ADCY8: variants seen among roughly 807,000 people sequenced by gnomAD.
ADCY8 encodes adenylate cyclase type 8.
ADCY8 carries 51 observed loss-of-function variants against 119.7 expected under a neutral mutation model. The ratio of observed to expected loss-of-function variants is 0.43; its 90% confidence interval spans 0.34 to 0.54. The LOEUF is 0.54. ADCY8 is among the 20% of genes least tolerant of loss of function. The pLI, the probability that ADCY8 is intolerant of heterozygous loss-of-function variation, is 0.03. For synonymous variants in ADCY8, 665 were observed against 651.0 expected (o/e 1.02, Z -0.33); for missense variants, 1,383 against 1,598.8 (o/e 0.87, Z 2.30).
At chr8:130,840,601 C>A (rs1351139182) in intron 11 of ADCY8, among the ~76,000 whole-genome samples, 2 of 152,096 alleles carry the variant, frequency 1.3e-5, no homozygotes, top group African/African-American at 4.8e-5. Flanking sequence ...TACAAGAATG[C>A]AAAATATGTC....
At chr8:130,832,282 G>A (rs1816857494) in intron 12 of ADCY8, among the ~76,000 whole-genome samples, 1 of 152,152 alleles carries the variant, frequency 6.6e-6, no homozygotes, top group Non-Finnish European at 1.5e-5. Flanking sequence ...AGTTTGACGA[G>A]CAGATTGGGA....
intron 12 of ADCY8, among the ~76,000 whole-genome samples, chr8:130,826,742 G>A (rs890961197): frequency 4.8e-5 from 7 of 144,412 alleles, no homozygotes; most frequent in Non-Finnish European, 9.2e-5. Context: ...GGAAACAGCA[G>A]TGTCATGAAT....
At chr8:131,003,269 A>G (rs1050504988) in intron 1 of ADCY8, among the ~76,000 whole-genome samples, 44 of 152,048 alleles carry the variant, frequency 2.9e-4, no homozygotes, top group South Asian at 6.2e-4. Context: ...AAAATGTTAA[A>G]GGCTAAAAGT....
intron 8 of ADCY8, among the ~76,000 whole-genome samples, chr8:130,878,639 G>A (rs1818652768): frequency 6.6e-6 from 1 of 152,158 alleles, no homozygotes; most frequent in African/African-American, 2.4e-5. Flanking sequence ...TGCAAAATCA[G>A]AATCTTGGGG....
chr8:130,889,573 C>T (rs1409211209), intron 7 of ADCY8, among the ~76,000 whole-genome samples: 1 of 152,038 alleles, frequency 6.6e-6, no homozygotes, highest in Non-Finnish European at 1.5e-5. Flanking sequence ...AGACCTGTTT[C>T]CGATTTCTGA....
intron 2 of ADCY8, among the ~76,000 whole-genome samples, chr8:130,966,703 C>T (rs1287109102): frequency 6.6e-6 from 1 of 152,194 alleles, no homozygotes; most frequent in Non-Finnish European, 1.5e-5. Flanking sequence ...CCTACCTCTG[C>T]CCCTCTCCAG....
intron 7 of ADCY8, among the ~76,000 whole-genome samples, chr8:130,894,891 A>G (rs1266922939): frequency 6.6e-6 from 1 of 152,078 alleles, no homozygotes; most frequent in East Asian, 1.9e-4. Flanking sequence ...ATCAAATGCA[A>G]TTTTGCTTGG....
chr8:130,800,971 G>C (rs1306212432), intron 14 of ADCY8, among the ~76,000 whole-genome samples: 1 of 152,110 alleles, frequency 6.6e-6, no homozygotes, highest in Non-Finnish European at 1.5e-5. Context: ...CATCCAGTAG[G>C]GGTTTTACCT....
chr8:130,855,177 T>A (rs1817687483), intron 9 of ADCY8, among the ~76,000 whole-genome samples: 1 of 151,116 alleles, frequency 6.6e-6, no homozygotes, highest in Admixed American at 6.6e-5. Context: ...TTAGCTGTGG[T>A]CATATGAGTA....
intron 9 of ADCY8, among the ~76,000 whole-genome samples, chr8:130,855,278 G>A (rs1349303522): frequency 6.6e-6 from 1 of 152,074 alleles, no homozygotes; most frequent in Admixed American, 6.5e-5. Flanking sequence ...GCATCAAACA[G>A]AAACAAAATG....
chr8:130,927,709 T>C (rs1294986515), intron 5 of ADCY8, among the ~76,000 whole-genome samples: 3 of 152,120 alleles, frequency 2.0e-5, no homozygotes, highest in African/African-American at 7.2e-5. Flanking sequence ...TGGTGGAGTC[T>C]TTAGGGTTTT....
chr8:130,958,907 A>G lies in ADCY8; in HGVS notation c.1111-6909T>C, dbSNP rs888858789. 1.6e-4 allele frequency among the ~76,000 whole-genome samples: 25 copies of G among 152,288 alleles called. 1 individual carries two copies. Among genetic ancestry groups the G allele is most frequent in the Middle Eastern group, 3.4e-3 (1 of 294 alleles). ...TATTGTCTATCTATTTCACTTAAAT[A>G]TAAGCTTTATGATGATATACCTTTT... On this transcript the variant is annotated intron_variant, in intron 2 of 17. Transcript: ENST00000286355.
chr8:130,895,483 C>A (rs1819355557), intron 7 of ADCY8, among the ~76,000 whole-genome samples: 1 of 152,124 alleles, frequency 6.6e-6, no homozygotes, highest in African/African-American at 2.4e-5. Flanking sequence ...TGAGTCAAAG[C>A]AAATGGATCC....
chr8:130,801,278 A>G (rs2130114678), intron 14 of ADCY8, among the ~76,000 whole-genome samples: 1 of 151,802 alleles, frequency 6.6e-6, no homozygotes, highest in Admixed American at 6.6e-5. Context: ...CTCTCAGTGG[A>G]TGATCTTACC....
intron 13 of ADCY8, among the ~76,000 whole-genome samples, chr8:130,819,834 C>T (rs868100669): frequency 6.6e-6 from 1 of 152,222 alleles, no homozygotes; most frequent in Non-Finnish European, 1.5e-5. Flanking sequence ...AGTGTTTCAT[C>T]ATAATTTTAG....
At chr8:130,958,854 T>C (rs1821515116) in intron 2 of ADCY8, among the ~76,000 whole-genome samples, 1 of 152,210 alleles carries the variant, frequency 6.6e-6, no homozygotes, top group African/African-American at 2.4e-5. Context: ...TTTTTAATTT[T>C]CTATATATTT....
At chr8:130,879,369 T>C (rs748357881) in intron 8 of ADCY8, among the ~76,000 whole-genome samples, 6 of 152,254 alleles carry the variant, frequency 3.9e-5, no homozygotes, top group African/African-American at 9.6e-5. Context: ...GTATAAGAAA[T>C]GTGCAAGTCA....
At chr8:130,901,228 TC>T (rs1040343915) in intron 7 of ADCY8, among the ~76,000 whole-genome samples, 7 of 146,464 alleles carry the variant, frequency 4.8e-5, no homozygotes, top group African/African-American at 1.8e-4. Context: ...TGATTTTTTT[TC>T]CCCATCCCTC....
chr8:130,964,541 C>T (rs1021784545), intron 2 of ADCY8, among the ~76,000 whole-genome samples: 1 of 152,144 alleles, frequency 6.6e-6, no homozygotes, highest in African/African-American at 2.4e-5. Flanking sequence ...TAATGCTGAG[C>T]AGCTAAAACA....
Sources: gnomAD v4.1 joint callset for allele counts (sites outside exome capture counted in the v4.1 genomes callset) on GRCh38, gnomAD v4.1.1 for gene constraint, MANE v1.5 for transcripts, NCBI Gene and HGNC (gene_info 2026-07-23, HGNC 2026-07-21) for gene names.